ZBTB20: variants seen among roughly 807,000 people sequenced by gnomAD.
ZBTB20 encodes the protein zinc finger and BTB domain containing 20, also known as zinc finger and BTB domain-containing protein 20.
ZBTB20 carries 9 observed loss-of-function variants against 56.9 expected under a neutral mutation model. The observed-to-expected ratio is 0.16, with a 90% CI of 0.10 to 0.28. The LOEUF (loss-of-function observed/expected upper bound fraction) is 0.28, where lower values mean the gene tolerates loss of function less well. Among genes scored for constraint, ZBTB20 ranks in the 10% least tolerant of loss-of-function variants. The pLI, the probability that ZBTB20 is intolerant of heterozygous loss-of-function variation, is 1.00. For missense variants in ZBTB20, 655 were observed against 1,003.0 expected (o/e 0.65, Z 4.69); for synonymous variants, 417 against 420.7 (o/e 0.99, Z 0.11).
chr3:114,348,737 G>C (rs527780404), intron 11 of ZBTB20, among the ~76,000 whole-genome samples: 2 of 152,270 alleles, frequency 1.3e-5, no homozygotes, highest in South Asian at 2.1e-4. Flanking sequence ...TATCTCTGTT[G>C]CTTTCCTTCC....
At chr3:114,443,001 A>G (rs2091029593) in intron 7 of ZBTB20, among the ~76,000 whole-genome samples, 1 of 152,180 alleles carries the variant, frequency 6.6e-6, no homozygotes, top group African/African-American at 2.4e-5. Context: ...TTCAAGCTAG[A>G]TAAAAATGCT....
intron 4 of ZBTB20, among the ~76,000 whole-genome samples, chr3:114,887,108 CTACCAG>C (rs2076630236): frequency 6.6e-6 from 1 of 152,070 alleles, no homozygotes; most frequent in South Asian, 2.1e-4. Flanking sequence ...TTCTATAAAG[CTACCAG>C]TCCCATTCCC....
chr3:114,821,659 G>A (rs989458755), intron 4 of ZBTB20, among the ~76,000 whole-genome samples: 3 of 152,092 alleles, frequency 2.0e-5, no homozygotes, highest in African/African-American at 7.2e-5. Flanking sequence ...CTTGATGAAT[G>A]AGATTCTAAT....
At chr3:115,134,680 G>A (rs1204076027) in intron 1 of ZBTB20, among the ~76,000 whole-genome samples, 1 of 151,984 alleles carries the variant, frequency 6.6e-6, no homozygotes, top group African/African-American at 2.4e-5. Context: ...CCCAATTTTT[G>A]TTTTCAAATT....
chr3:114,921,041 TA>T, intron 3 of ZBTB20, among the ~76,000 whole-genome samples: 1 of 152,288 alleles, frequency 6.6e-6, no homozygotes, highest in African/African-American at 2.4e-5. Flanking sequence ...TCATAAATAA[TA>T]AAATTCGGAA....
intron 6 of ZBTB20, among the ~76,000 whole-genome samples, chr3:114,583,693 A>G (rs771009496): frequency 2.0e-5 from 3 of 152,326 alleles, no homozygotes; most frequent in Middle Eastern, 3.4e-3. Context: ...CCCTATGCAA[A>G]TAAGAAACGG....
intron 6 of ZBTB20, among the ~76,000 whole-genome samples, chr3:114,543,010 C>T (rs976671511): frequency 6.6e-6 from 1 of 152,044 alleles, no homozygotes; most frequent in Non-Finnish European, 1.5e-5. Flanking sequence ...ATATAATATC[C>T]AGAAAAACAT....
chr3:115,125,235 C>T (rs2108654482), intron 1 of ZBTB20, among the ~76,000 whole-genome samples: 1 of 151,648 alleles, frequency 6.6e-6, no homozygotes, highest in East Asian at 1.9e-4. Context: ...CCCAGCTACG[C>T]AGGAGGTTGA....
intron 7 of ZBTB20, among the ~76,000 whole-genome samples, chr3:114,456,117 T>G (rs2091995823): frequency 6.6e-6 from 1 of 152,044 alleles, no homozygotes; most frequent in Non-Finnish European, 1.5e-5. Flanking sequence ...ACCTCCAATT[T>G]CTCAAAATGT....
chr3:115,032,323 T>C (rs1385883226), intron 2 of ZBTB20, among the ~76,000 whole-genome samples: 2 of 151,430 alleles, frequency 1.3e-5, no homozygotes, highest in Non-Finnish European at 3.0e-5. Context: ...AAGAAACCTA[T>C]GTTTTTAAAC....
At chr3:114,741,602 C>G (rs1035045829) in intron 5 of ZBTB20, among the ~76,000 whole-genome samples, 1 of 151,896 alleles carries the variant, frequency 6.6e-6, no homozygotes, top group Non-Finnish European at 1.5e-5. Flanking sequence ...GAGGCCGGTG[C>G]GGTGGCTCAC....
chr3:115,116,547 G>T (rs2084023652), intron 1 of ZBTB20, among the ~76,000 whole-genome samples: 1 of 151,950 alleles, frequency 6.6e-6, no homozygotes, highest in African/African-American at 2.4e-5. Context: ...AGAACTGTTT[G>T]ATAACTACAT....
At chr3:115,036,514 G>C (rs550624205) in intron 2 of ZBTB20, among the ~76,000 whole-genome samples, 1 of 151,964 alleles carries the variant, frequency 6.6e-6, no homozygotes, top group South Asian at 2.1e-4. Flanking sequence ...TCCCAGGTTC[G>C]AGCGATTCTC....
chr3:114,971,379 T>A (rs1251797315), intron 3 of ZBTB20, among the ~76,000 whole-genome samples: 1 of 152,220 alleles, frequency 6.6e-6, no homozygotes, highest in Non-Finnish European at 1.5e-5. Context: ...GGGGTTCCAG[T>A]CTTTCTCCTT....
rs528448909 is a variant in ZBTB20, at chr3:114,511,000, GA to G, written c.-294-10610del. ...CACTGTTTTCTAACTTTTCAAAAAA[GA>G]AAAAAAAAAGTGAACATGATGGTGG... is the stretch of plus-strand genomic sequence containing the variant. On this transcript the variant is annotated intron_variant, in intron 6 of 11. Coordinates refer to ENST00000675478, the MANE Select transcript of ZBTB20 (RefSeq NM_001348800.3). 1.2e-4 allele frequency among the ~76,000 whole-genome samples: 14 copies of G among 116,392 alleles called. No individual in the cohort carries two copies. The South Asian group carries it at 1.3e-3, about 11-fold the overall frequency. 76.4% of individuals were successfully genotyped at this position (116,392 alleles called of 152,430 possible).
intron 5 of ZBTB20, among the ~76,000 whole-genome samples, chr3:114,799,675 T>A (rs962357012): frequency 2.6e-5 from 4 of 151,950 alleles, no homozygotes; most frequent in African/African-American, 9.7e-5. Flanking sequence ...TTACTGTCTG[T>A]GGGTTTGAAC....
rs1337061410 is a variant in ZBTB20, at chr3:114,316,241, A to AT, written c.*22763dup. The AT allele has an allele frequency of 8.2e-5, 26 of 316,896 alleles. No individual in the cohort carries two copies. The highest frequency in any genetic ancestry group is 1.3e-4 in the Non-Finnish European group (22 of 169,542). The allele number at this position is 316,896 out of a possible 1,614,324, so 19.6% of individuals were successfully genotyped here. A position where few individuals can be genotyped will look rare whatever the true frequency, so the allele number is the denominator to read the frequency against. ...GCATCGGATCAAGATGGTTTCGCCC[A>AT]TTTTTCCTTTTTCACTAACACTGTT... On this transcript the variant is annotated 3_prime_UTR_variant, in exon 12 of 12. Coordinates refer to ENST00000675478, the MANE Select transcript of ZBTB20 (RefSeq NM_001348800.3).
At chr3:114,735,796 AT>A (rs1327465046) in intron 5 of ZBTB20, among the ~76,000 whole-genome samples, 2 of 152,034 alleles carry the variant, frequency 1.3e-5, no homozygotes, top group East Asian at 1.9e-4. Context: ...ACTTCAGAAG[AT>A]TTTTTTCTTA....
chr3:114,794,335 T>G (rs116713446), intron 5 of ZBTB20, among the ~76,000 whole-genome samples: 1,783 of 152,166 alleles, frequency 0.012, 17 homozygotes, highest in South Asian at 0.041. Context: ...GCACTTAATA[T>G]TTCTTTTTCT....
Sources: allele counts gnomAD v4.1 joint callset (sites outside exome capture counted in the v4.1 genomes callset), GRCh38; gene constraint gnomAD v4.1.1; transcripts MANE v1.5; gene names NCBI Gene and HGNC (gene_info 2026-07-23, HGNC 2026-07-21).